The following ZNF750 variants were observed in gnomAD, a reference collection of about 807,000 sequenced individuals.
ZNF750 encodes the protein zinc finger protein 750, also known as protein ZNF750.
ZNF750 carries 10 observed loss-of-function variants against 31.6 expected under a neutral mutation model. That is an observed-to-expected ratio of 0.32 (90% CI 0.19 to 0.54). The LOEUF (loss-of-function observed/expected upper bound fraction) is 0.54, where lower values mean the gene tolerates loss of function less well. ZNF750 is among the 20% of genes least tolerant of loss of function. ZNF750 has a pLI of 0.95. For missense variants in ZNF750, 914 were observed against 934.9 expected (o/e 0.98, Z 0.29); for synonymous variants, 400 against 404.9 (o/e 0.99, Z 0.15).
rs574229003 is a variant in ZNF750 at position 82,833,929 on chromosome 17, A to G, written c.-182-1293T>C. Among the ~76,000 whole-genome samples, 1 of 151,086 alleles carries G rather than the reference A, an allele frequency of 6.6e-6. No individual in the cohort carries two copies. Among genetic ancestry groups the G allele is most frequent in the Non-Finnish European group, 1.5e-5 (1 of 67,852 alleles). On this transcript the variant is annotated intron_variant, in intron 1 of 2. Transcript: ENST00000269394. The surrounding 1 kb of genome is among the most constrained non-coding windows in gnomAD (Gnocchi z 4.7). ...CCTTCAGAGGCTGTGCCGCACGCCC[A>G]AGGCTGAGAACAAAGGCTGTTTTTC... is the stretch of plus-strand genomic sequence containing the variant.
intron 2 of ZNF750, 31 bp downstream of exon 2, chr17:82,830,988 C>G (rs1487636029): frequency 6.2e-7 from 1 of 1,613,684 alleles, no homozygotes; most frequent in Non-Finnish European, 8.5e-7. Flanking sequence ...GAAACATTCC[C>G]TTGGAGGTTT....
intron 1 of ZNF750, among the ~76,000 whole-genome samples, chr17:82,839,264 C>T (rs948182061): frequency 9.9e-5 from 15 of 152,172 alleles, no homozygotes; most frequent in African/African-American, 3.6e-4. Flanking sequence ...ATACACCACA[C>T]ATATATATAA....
Position 82,829,985 on chromosome 17 carries a change from T to A in ZNF750, c.*157A>T, listed in dbSNP as rs1415965762. On this transcript the variant is annotated 3_prime_UTR_variant, in exon 3 of 3. Transcript: ENST00000269394. ...ATGCTTAATATTTATAAAAACTGAA[T>A]TGGAGGGTTTTTTGTTTGTTTGTTT... The A allele has an allele frequency of 1.6e-6, 2 of 1,222,214 alleles. No individual in the cohort carries two copies. The highest frequency in any genetic ancestry group is 2.9e-5 in the South Asian group (2 of 67,860). 75.7% of individuals were successfully genotyped at this position (1,222,214 alleles called of 1,614,324 possible). A position where few individuals can be genotyped will look rare whatever the true frequency, so the allele number is the denominator to read the frequency against.
rs539955576 is a variant in ZNF750, at chr17:82,830,101, T to A, written c.*41A>T. 1.4e-5 allele frequency: 23 copies of A among 1,611,758 alleles called. No homozygotes were observed. The highest frequency in any genetic ancestry group is 1.9e-5 in the Non-Finnish European group (23 of 1,179,534). On this transcript the variant is annotated 3_prime_UTR_variant, in exon 3 of 3. Transcript: ENST00000269394. ...GTAGCTTGCCACCTTGGAAGGCGTGTGTGTGGCCGTAGCTCTGTGAACACA... is the reference window on the plus strand; with the variant it reads ...GTAGCTTGCCACCTTGGAAGGCGTGAGTGTGGCCGTAGCTCTGTGAACACA...
rs755890874 is a variant in ZNF750 at position 82,831,035 on chromosome 17, C to T, written c.1420G>A (p.Ala474Thr). The T allele has an allele frequency of 2.5e-5, 41 of 1,614,056 alleles. No homozygotes were observed. The highest frequency in any genetic ancestry group is 3.0e-5 in the Non-Finnish European group (35 of 1,180,054). The change falls in exon 2 of 3, where the codon GCA (alanine) becomes ACA (threonine). Residue 474 changes from alanine to threonine, a missense_variant. Physicochemically the swap from Ala to Thr is moderately conservative, Grantham distance 58. This residue lies in a region of ZNF750 where 880 missense variants were observed against 868.9 expected (regional missense o/e 1.01). Coordinates refer to ENST00000269394, the MANE Select transcript of ZNF750 (RefSeq NM_024702.3). This position sits in a 1 kb window ranked among gnomAD's most constrained non-coding sequence, Gnocchi z 4.6. ...TTTTCTTACCTTACTGGAGACTCTGCTGTGGTCTCAGCAGCCTGGGCAGGT... is the reference window on the plus strand; with the variant it reads ...TTTTCTTACCTTACTGGAGACTCTGTTGTGGTCTCAGCAGCCTGGGCAGGT... ...CLPAQAAETT[A>T]ESPVSLNVVN...
rs1049542175 is a variant in ZNF750 at position 82,829,915 on chromosome 17, T to C, written c.*227A>G. 64 of 645,000 alleles carry C rather than the reference T, an allele frequency of 9.9e-5. No individual in the cohort carries two copies. The highest frequency in any genetic ancestry group is 1.4e-4 in the Non-Finnish European group (54 of 380,906). The allele number at this position is 645,000 out of a possible 1,614,324, so 40.0% of individuals were successfully genotyped here. ...AAAATACATATCAGTCTTAGAGTCA[T>C]TCAGGTGTTTTTACAACCAAAAGTA... On this transcript the variant is annotated 3_prime_UTR_variant, in exon 3 of 3. Coordinates refer to ENST00000269394, the MANE Select transcript of ZNF750 (RefSeq NM_024702.3).
chr17:82,839,136 T>A (rs1435812024), intron 1 of ZNF750, among the ~76,000 whole-genome samples: 1 of 152,250 alleles, frequency 6.6e-6, no homozygotes, highest in Non-Finnish European at 1.5e-5. Flanking sequence ...CATGTAAGCT[T>A]ATGTACTTAT....
Position 82,831,359 on chromosome 17 carries a change from T to A in ZNF750, c.1096A>T (p.Asn366Tyr). 6.2e-7 allele frequency: 1 copy of A among 1,614,098 alleles called. No homozygotes were observed. The highest frequency in any genetic ancestry group is 8.5e-7 in the Non-Finnish European group (1 of 1,180,014). Residue 366 changes from asparagine to tyrosine, a missense_variant, in exon 2 of 3, where the codon AAC becomes TAC. This residue lies in a region of ZNF750 where 880 missense variants were observed against 868.9 expected (regional missense o/e 1.01). Coordinates refer to ENST00000269394, the MANE Select transcript of ZNF750 (RefSeq NM_024702.3). This position sits in a 1 kb window ranked among gnomAD's most constrained non-coding sequence, Gnocchi z 4.6. Reference protein sequence around the residue: ...VYPASSPSRLNPSDPNRKHVE... With the variant: ...VYPASSPSRLYPSDPNRKHVE... ...TGTTTTCTGTTGGGGTCCGAAGGGTTTAACCTGGAAGGACTCGAGGCTGGA... is the reference window on the plus strand; with the variant it reads ...TGTTTTCTGTTGGGGTCCGAAGGGTATAACCTGGAAGGACTCGAGGCTGGA...
In ZNF750 at chr17:82,835,390, A is replaced by C. The variant is rs1236342466; in HGVS notation, c.-182-2754T>G. Among the ~76,000 whole-genome samples, 1 of 152,010 alleles carries C rather than the reference A, an allele frequency of 6.6e-6. No homozygotes were observed. The highest frequency in any genetic ancestry group is 1.5e-5 in the Non-Finnish European group (1 of 67,996). On this transcript the variant is annotated intron_variant, in intron 1 of 2. Coordinates refer to ENST00000269394, the MANE Select transcript of ZNF750 (RefSeq NM_024702.3). The surrounding 1 kb of genome is among the most constrained non-coding windows in gnomAD (Gnocchi z 4.5). ...AAGTGCTCTGATTTTGTTCTCAGCA[A>C]ACTGGTTTCTCTACTGATTTATTCA...
At position 82,831,633 on chromosome 17, in the gene ZNF750, T is replaced by A; in HGVS notation, c.822A>T (p.Ser274=). ...SSPECDAPLL[S]VYGTQDPRHF... ...GTCTCGGGTCTTGGGTTCCGTAGACTGACAGCAGGGGTGCGTCACACTCAG... is the reference window on the plus strand; with the variant it reads ...GTCTCGGGTCTTGGGTTCCGTAGACAGACAGCAGGGGTGCGTCACACTCAG... Residue 274 remains serine, a synonymous_variant, in exon 2 of 3, where the codon TCA becomes TCT. Coordinates refer to ENST00000269394, the MANE Select transcript of ZNF750 (RefSeq NM_024702.3). The surrounding 1 kb of genome is among the most constrained non-coding windows in gnomAD (Gnocchi z 4.6). The A allele has an allele frequency of 6.2e-7, 1 of 1,614,162 alleles. No homozygotes were observed. The highest frequency in any genetic ancestry group is 1.3e-5 in the African/African-American group (1 of 75,038).
At position 82,835,579 on chromosome 17, in the gene ZNF750, C is replaced by T. The variant is rs558232769; in HGVS notation, c.-182-2943G>A. ...CTGGGATTACAGGTGCCTACCACCA[C>T]GCCCAGCTAATTTTTTTGTAATTTT... On this transcript the variant is annotated intron_variant, in intron 1 of 2. Transcript: ENST00000269394. The surrounding 1 kb of genome is among the most constrained non-coding windows in gnomAD (Gnocchi z 4.5). Among the ~76,000 whole-genome samples, 14 of 151,972 alleles carry T rather than the reference C, an allele frequency of 9.2e-5. No individual in the cohort carries two copies. The highest frequency in any genetic ancestry group is 2.1e-4 in the South Asian group (1 of 4,810).
chr17:82,831,813 A>C lies in ZNF750; in HGVS notation c.642T>G (p.Leu214=). Residue 214 remains leucine (L), a synonymous_variant, in exon 2 of 3, where the codon CTT becomes CTG. Transcript: ENST00000269394. The surrounding 1 kb of genome is among the most constrained non-coding windows in gnomAD (Gnocchi z 4.6). ...AGATTTTATGTGGAAACTCTGGTGG[A>C]AGGAAAGGTGAGCCGGCTTTCCAGG... ...GYPWKAGSPF[L]PPEFPHKISS... 6.2e-7 allele frequency: 1 copy of C among 1,614,130 alleles called. No homozygotes were observed. Among genetic ancestry groups the C allele is most frequent in the Non-Finnish European group, 8.5e-7 (1 of 1,180,022 alleles).
In ZNF750 at chr17:82,831,114, C is replaced by T. The variant is rs139944246; in HGVS notation, c.1341G>A (p.Pro447=). The part of the protein sequence containing the change: ...AASSALGRLY[P]PEQSLTAFRP... The stretch of plus-strand genomic sequence containing the variant: ...TGAAGGCTGTGAGGCTTTGCTCTGG[C>T]GGGTAGAGTCTTCCCAGTGCGCTGG... The change falls in exon 2 of 3, where the codon CCG becomes CCA. Residue 447 remains proline (P), a synonymous_variant. Transcript: ENST00000269394. This position sits in a 1 kb window ranked among gnomAD's most constrained non-coding sequence, Gnocchi z 4.6. 5.0e-6 allele frequency: 8 copies of T among 1,614,042 alleles called. No homozygotes were observed. The highest frequency in any genetic ancestry group is 3.3e-5 in the South Asian group (3 of 91,086).
In ZNF750 at chr17:82,831,940, C is replaced by T. The variant is rs766625742; in HGVS notation, c.515G>A (p.Gly172Glu). The part of the protein sequence containing the change: ...FVPVGEHRLK[G>E]PDNAEAPETL... ...CTCGGGCGCCTCGGCGTTGTCTGGC[C>T]CCTTGAGTCTGTGCTCGCCGACTGG... The change falls in exon 2 of 3, where the codon GGG becomes GAG. Residue 172 changes from glycine to glutamate, a missense_variant. Transcript: ENST00000269394. This position sits in a 1 kb window ranked among gnomAD's most constrained non-coding sequence, Gnocchi z 4.6. 1.2e-6 allele frequency: 2 copies of T among 1,614,106 alleles called. No individual in the cohort carries two copies. The highest frequency in any genetic ancestry group is 1.7e-6 in the Non-Finnish European group (2 of 1,180,020).
rs1272887822 is a variant in ZNF750 at position 82,833,306 on chromosome 17, C to G, written c.-182-670G>C. ...GTAGAACCCAAGACCATGGATGCTG[C>G]TGCCTCCCCTGGGGCCGATCCCTAA... On this transcript the variant is annotated intron_variant, in intron 1 of 2. Coordinates refer to ENST00000269394, the MANE Select transcript of ZNF750 (RefSeq NM_024702.3). This position sits in a 1 kb window ranked among gnomAD's most constrained non-coding sequence, Gnocchi z 4.7. Among the ~76,000 whole-genome samples, 1 of 152,154 alleles carries G rather than the reference C, an allele frequency of 6.6e-6. No homozygotes were observed. Among genetic ancestry groups the G allele is most frequent in the Non-Finnish European group, 1.5e-5 (1 of 68,028 alleles).
chr17:82,832,593 T>G lies in ZNF750; in HGVS notation c.-139A>C. 1 of 779,418 alleles carries G rather than the reference T, an allele frequency of 1.3e-6. No homozygotes were observed. The highest frequency in any genetic ancestry group is 2.6e-5 in the East Asian group (1 of 37,830). 48.3% of individuals were successfully genotyped at this position (779,418 alleles called of 1,614,324 possible). Reference sequence around the variant, plus strand: ...ACTTCTATCAGAAGCCAGCTCTGCGTGCTGAGGGTCTGGCGAGAGCCTCCG... The same window carrying G: ...ACTTCTATCAGAAGCCAGCTCTGCGGGCTGAGGGTCTGGCGAGAGCCTCCG... On this transcript the variant is annotated 5_prime_UTR_variant, in exon 2 of 3. Transcript: ENST00000269394. The surrounding 1 kb of genome is among the most constrained non-coding windows in gnomAD (Gnocchi z 4.9).
chr17:82,839,341 T>C (rs1030373312), intron 1 of ZNF750, among the ~76,000 whole-genome samples: 4 of 151,502 alleles, frequency 2.6e-5, no homozygotes, highest in Non-Finnish European at 4.4e-5. Context: ...AATGTACATA[T>C]ACCACACACA....
chr17:82,832,027 G>A lies in ZNF750; in HGVS notation c.428C>T (p.Pro143Leu), dbSNP rs752878414. 6.8e-6 allele frequency: 11 copies of A among 1,612,632 alleles called. No homozygotes were observed. The highest frequency in any genetic ancestry group is 6.6e-5 in the South Asian group (6 of 91,070). ...HRASPCKSPA[P>L]EAALGAQPAL... ...AGGCTGGGCACCGAGGGCGGCTTCC[G>A]GAGCTGGGCTCTTGCAGGGTGATGC... Residue 143 changes from proline to leucine, a missense_variant, in exon 2 of 3, where the codon CCG becomes CTG. Pro to Leu is a moderately conservative substitution (Grantham distance 98). This residue lies in a region of ZNF750 where 880 missense variants were observed against 868.9 expected (regional missense o/e 1.01). Coordinates refer to ENST00000269394, the MANE Select transcript of ZNF750 (RefSeq NM_024702.3). This position sits in a 1 kb window ranked among gnomAD's most constrained non-coding sequence, Gnocchi z 4.9.
rs1400639370 is a variant in ZNF750, at chr17:82,830,422, T to C, written c.1892A>G (p.Lys631Arg). Residue 631 changes from lysine to arginine, a missense_variant, in exon 3 of 3, where the codon AAG becomes AGG. Physicochemically the swap from Lys to Arg is conservative, Grantham distance 26. Transcript: ENST00000269394. ...ACAVDSSEEQ[K>R]QTAAVALCQL... ...GCACAGGGCCACGGCTGCCGTCTGC[T>C]TCTGCTCCTCGCTGCTGTCCACCGC... is the stretch of plus-strand genomic sequence containing the variant. The C allele has an allele frequency of 2.5e-6, 4 of 1,611,844 alleles. No individual in the cohort carries two copies. The highest frequency in any genetic ancestry group is 3.4e-6 in the Non-Finnish European group (4 of 1,179,908).
Sources: allele counts gnomAD v4.1 joint callset (sites outside exome capture counted in the v4.1 genomes callset), GRCh38; gene constraint gnomAD v4.1.1; regional missense constraint gnomAD v4.1.1; non-coding constraint Gnocchi (gnomAD v3.1); transcripts MANE v1.5; gene names NCBI Gene and HGNC (gene_info 2026-07-23, HGNC 2026-07-21).